Variants in ANKRD6 observed in about 807,000 individuals in gnomAD.
ANKRD6 encodes the protein ankyrin repeat domain 6.
A neutral mutation model predicts 82.3 loss-of-function variants in ANKRD6; 56 were observed. The ratio of observed to expected loss-of-function variants is 0.68; its 90% CI spans 0.55 to 0.85. The LOEUF (loss-of-function observed/expected upper bound fraction) is 0.85. ANKRD6 is among the 40% of genes least tolerant of loss of function. ANKRD6 has a pLI of 0.00. For missense variants in ANKRD6, 852 were observed against 907.6 expected, an observed-to-expected ratio of 0.94 and a Z score of 0.79; for synonymous variants, 347 against 352.1, an observed-to-expected ratio of 0.99 and a Z score of 0.16.
chr6:89,523,207 G>A lies in ANKRD6; in HGVS notation c.-143-43627G>A, dbSNP rs140444677. ...TGGCACTATCAACTCTCAGGTTTGC[G>A]TTAGACAAGATTAGCATCTTCCCTT... On this transcript the variant is annotated intron_variant, in intron 1 of 15. Transcript: ENST00000339746. 7.4e-3 allele frequency among the ~76,000 whole-genome samples: 1,133 copies of A among 152,296 alleles called. 7 individuals are homozygous for A. Among genetic ancestry groups the A allele is most frequent in the Non-Finnish European group, 0.011 (740 of 68,018 alleles).
At chr6:89,532,471 A>G (rs1490592020) in intron 1 of ANKRD6, among the ~76,000 whole-genome samples, 2 of 152,170 alleles carry the variant, frequency 1.3e-5, no homozygotes, top group Admixed American at 1.3e-4. Context: ...TTCCCTGGCT[A>G]GGTTTATTCC....
intron 1 of ANKRD6, among the ~76,000 whole-genome samples, chr6:89,536,032 C>A (rs1265631377): frequency 6.6e-6 from 1 of 152,164 alleles, no homozygotes; most frequent in African/African-American, 2.4e-5. Context: ...GAGTTTGAGA[C>A]CAGCCTCACC....
chr6:89,435,357 C>T (rs995325347), intron 1 of ANKRD6, among the ~76,000 whole-genome samples: 1 of 152,192 alleles, frequency 6.6e-6, no homozygotes, highest in African/African-American at 2.4e-5. Context: ...ACTCACTTCT[C>T]GCCTCCCACC....
At chr6:89,500,754 C>T (rs2127886483) in intron 1 of ANKRD6, among the ~76,000 whole-genome samples, 1 of 152,168 alleles carries the variant, frequency 6.6e-6, no homozygotes, top group South Asian at 2.1e-4. Context: ...CTCATTAGAG[C>T]TATGAGGCTT....
intron 1 of ANKRD6, among the ~76,000 whole-genome samples, chr6:89,495,611 AT>A (rs993519875): frequency 1.3e-5 from 2 of 152,030 alleles, no homozygotes; most frequent in African/African-American, 4.8e-5. Flanking sequence ...CTTTCTTAGT[AT>A]TTTCAGTACT....
rs570336132 is a variant in ANKRD6, at chr6:89,525,376, C to T, written c.-143-41458C>T. ...CCTGGCCTTGAGAGCTCTCAGATGG[C>T]AGCAAGTTGCACTTTCTCCTGCCTG... On this transcript the variant is annotated intron_variant, in intron 1 of 15. Transcript: ENST00000339746. Among the ~76,000 whole-genome samples the T allele has an allele frequency of 1.3e-3, 199 of 151,910 alleles. 1 individual carries two copies. Among genetic ancestry groups the T allele is most frequent in the African/African-American group, 4.5e-3 (187 of 41,412 alleles).
At chr6:89,589,235 G>C (rs1794401255) in intron 2 of ANKRD6, among the ~76,000 whole-genome samples, 1 of 152,154 alleles carries the variant, frequency 6.6e-6, no homozygotes, top group Non-Finnish European at 1.5e-5. Flanking sequence ...GGAGTGATGA[G>C]GGACCAGGGT....
intron 5 of ANKRD6, among the ~76,000 whole-genome samples, chr6:89,611,522 A>G (rs541515143): frequency 6.6e-6 from 1 of 152,172 alleles, no homozygotes; most frequent in Admixed American, 6.5e-5. Flanking sequence ...ATGTCCTGCA[A>G]TTTTTTCCTG....
At chr6:89,534,513 A>C (rs544186351) in intron 1 of ANKRD6, among the ~76,000 whole-genome samples, 52 of 152,334 alleles carry the variant, frequency 3.4e-4, no homozygotes, top group African/African-American at 1.2e-3. Flanking sequence ...GTGAGTTCAT[A>C]AAGTGATTTT....
At chr6:89,537,879 CAAAA>C (rs55864526) in intron 1 of ANKRD6, among the ~76,000 whole-genome samples, 4 of 110,808 alleles carry the variant, frequency 3.6e-5, no homozygotes, top group African/African-American at 1.1e-4. Context: ...GACAATGTCT[CAAAA>C]AAAAAAAAAA....
intron 2 of ANKRD6, among the ~76,000 whole-genome samples, chr6:89,576,034 T>A (rs2128102453): frequency 6.6e-6 from 1 of 152,260 alleles, no homozygotes; most frequent in African/African-American, 2.4e-5. Flanking sequence ...GAACTATGAT[T>A]TTCCATTTGC....
intron 11 of ANKRD6, 32 bp downstream of exon 11, chr6:89,623,576 T>TG (rs1455940585): frequency 6.4e-7 from 1 of 1,563,206 alleles, no homozygotes; most frequent in East Asian, 2.4e-5. Context: ...CCCAGAGGGG[T>TG]GGCTGGGAGG....
At chr6:89,437,525 T>C (rs985886422) in intron 1 of ANKRD6, among the ~76,000 whole-genome samples, 1 of 152,178 alleles carries the variant, frequency 6.6e-6, no homozygotes, top group Non-Finnish European at 1.5e-5. Context: ...ATATATTAGG[T>C]ACACAGCTAT....
chr6:89,549,837 T>C (rs1042891294), intron 1 of ANKRD6, among the ~76,000 whole-genome samples: 1 of 151,386 alleles, frequency 6.6e-6, no homozygotes, highest in Non-Finnish European at 1.5e-5. Context: ...AAACATCAGC[T>C]ACATCAAGGT....
At chr6:89,630,404 T>C in intron 15 of ANKRD6, 29 bp from the exon 16 acceptor site, 5 of 1,588,560 alleles carry the variant, frequency 3.1e-6, no homozygotes, top group Non-Finnish European at 4.3e-6. Flanking sequence ...GTGGATTTGC[T>C]CTCACGTTTG....
At chr6:89,562,839 T>C (rs78358725) in intron 1 of ANKRD6, 11,040 of 152,234 alleles carry the variant, frequency 0.073, 539 homozygotes, top group Middle Eastern at 0.16. Context: ...CAGGAAAGAA[T>C]TGACCACAGT....
chr6:89,572,730 C>T (rs35654904), intron 2 of ANKRD6, among the ~76,000 whole-genome samples: 4 of 152,044 alleles, frequency 2.6e-5, no homozygotes, highest in Admixed American at 2.0e-4. Context: ...TACTTTTTTG[C>T]ATGTGGGTAT....
At chr6:89,512,555 T>C (rs994344069) in intron 1 of ANKRD6, among the ~76,000 whole-genome samples, 1 of 151,764 alleles carries the variant, frequency 6.6e-6, no homozygotes. Context: ...CAGCCTGGAG[T>C]GTGGGGCTGT....
intron 1 of ANKRD6, among the ~76,000 whole-genome samples, chr6:89,544,518 T>G (rs939122741): frequency 3.3e-5 from 5 of 152,062 alleles, no homozygotes; most frequent in Admixed American, 6.5e-5. Flanking sequence ...ATCGAGACCA[T>G]CCTGGCTAGC....
Sources: gnomAD v4.1 joint callset for allele counts (sites outside exome capture counted in the v4.1 genomes callset) on GRCh38, gnomAD v4.1.1 for gene constraint, MANE v1.5 for transcripts, NCBI Gene and HGNC (gene_info 2026-07-23, HGNC 2026-07-21) for gene names.